Variants in OPCML observed in about 807,000 individuals in gnomAD.
The protein encoded by OPCML is opioid binding protein/cell adhesion molecule like, also known as opioid-binding protein/cell adhesion molecule.
In OPCML, 13 loss-of-function variants were observed where a neutral mutation model predicts 37.8. The ratio of observed to expected loss-of-function variants is 0.34; its 90% CI spans 0.22 to 0.55. The LOEUF is 0.55. OPCML is among the 20% of genes least tolerant of loss of function. The probability of loss-of-function intolerance (pLI) is 0.91; values close to 1 mark genes in which losing one functional copy is unlikely to be tolerated. For missense variants in OPCML, 341 were observed against 435.6 expected (o/e 0.78, Z 1.93); for synonymous variants, 176 against 168.8 (o/e 1.04, Z -0.33).
At chr11:132,748,929 C>T (rs1945739757) in intron 2 of OPCML, among the ~76,000 whole-genome samples, 1 of 152,122 alleles carries the variant, frequency 6.6e-6, no homozygotes, top group African/African-American at 2.4e-5. Context: ...ATTGGTGGGA[C>T]ATGTTGATGT....
At chr11:133,207,554 C>A (rs965629190) in intron 1 of OPCML, among the ~76,000 whole-genome samples, 6 of 152,178 alleles carry the variant, frequency 3.9e-5, no homozygotes, top group Admixed American at 3.3e-4. Flanking sequence ...CACTAAGCCT[C>A]ACTTTTTCCA....
At chr11:133,134,949 A>G (rs977224349) in intron 1 of OPCML, among the ~76,000 whole-genome samples, 1 of 151,916 alleles carries the variant, frequency 6.6e-6, no homozygotes, top group African/African-American at 2.4e-5. Flanking sequence ...CCTCCTCTTC[A>G]TTTCCTGGAT....
intron 3 of OPCML, among the ~76,000 whole-genome samples, chr11:132,534,496 G>C (rs920797833): frequency 6.6e-6 from 1 of 152,196 alleles, no homozygotes; most frequent in Non-Finnish European, 1.5e-5. Context: ...TTGTGAGAGA[G>C]AAGACTTGAG....
chr11:133,078,916 C>T (rs1212021376), intron 1 of OPCML, among the ~76,000 whole-genome samples: 1 of 152,152 alleles, frequency 6.6e-6, no homozygotes, highest in Admixed American at 6.5e-5. Context: ...CACCCACCTA[C>T]TAGGGGTTAT....
intron 4 of OPCML, among the ~76,000 whole-genome samples, chr11:132,464,458 C>A (rs2096113375): frequency 6.6e-6 from 1 of 152,194 alleles, no homozygotes; most frequent in Non-Finnish European, 1.5e-5. Flanking sequence ...AGAGCAAGAA[C>A]TATGCTTAGT....
At chr11:132,791,953 G>GC in intron 2 of OPCML, among the ~76,000 whole-genome samples, 1 of 152,198 alleles carries the variant, frequency 6.6e-6, no homozygotes, top group South Asian at 2.1e-4. Context: ...CATTATGGGC[G>GC]CCCATTTTGT....
intron 3 of OPCML, among the ~76,000 whole-genome samples, chr11:132,639,062 T>TTCCCC: frequency 6.9e-6 from 1 of 145,332 alleles, no homozygotes; most frequent in Non-Finnish European, 1.5e-5. Context: ...GATGATTATT[T>TTCCCC]TCTTCAAAGA....
chr11:133,502,901 C>T (rs1455506093), intron 1 of OPCML, among the ~76,000 whole-genome samples: 1 of 152,184 alleles, frequency 6.6e-6, no homozygotes, highest in Non-Finnish European at 1.5e-5. Context: ...TCCTGGTTTT[C>T]CTGGGACTGA....
intron 1 of OPCML, among the ~76,000 whole-genome samples, chr11:133,346,506 AC>A (rs1944005319): frequency 6.6e-6 from 1 of 152,204 alleles, no homozygotes; most frequent in Non-Finnish European, 1.5e-5. Flanking sequence ...TTTGAAATGT[AC>A]CCTACTGAAT....
intron 1 of OPCML, chr11:133,068,065 C>T (rs1948466763): frequency 6.6e-6 from 1 of 152,154 alleles, no homozygotes; most frequent in Non-Finnish European, 1.5e-5. Context: ...TTTTAGGCCT[C>T]TTCTCAGCAC....
rs867589631 is a variant in OPCML at position 133,461,241 on chromosome 11, A to G, written c.61+71023T>C. Among the ~76,000 whole-genome samples, 22 of 152,090 alleles carry G rather than the reference A, an allele frequency of 1.4e-4. No individual in the cohort carries two copies. The Middle Eastern group carries it at 0.01, about 71-fold the overall frequency. On this transcript the variant is annotated intron_variant, in intron 1 of 7. Transcript: ENST00000524381. Reference sequence around the variant, plus strand: ...TACAAGCCAGAGCAATTAGAGAAGAAAAAGAAATAAGTCACCGAAATTCTA... The same window carrying G: ...TACAAGCCAGAGCAATTAGAGAAGAGAAAGAAATAAGTCACCGAAATTCTA...
chr11:132,902,812 G>C (rs1944108269), intron 2 of OPCML, among the ~76,000 whole-genome samples: 2 of 152,022 alleles, frequency 1.3e-5, no homozygotes, highest in South Asian at 4.2e-4. Flanking sequence ...CAAATAACCA[G>C]GAAAGAATCA....
intron 1 of OPCML, among the ~76,000 whole-genome samples, chr11:133,516,648 G>C (rs900801717): frequency 2.0e-5 from 3 of 152,084 alleles, no homozygotes; most frequent in Non-Finnish European, 2.9e-5. Context: ...GAAAGCTAAG[G>C]CCTCAGTGTC....
chr11:133,037,572 A>G (rs1207705116), intron 1 of OPCML, among the ~76,000 whole-genome samples: 1 of 152,190 alleles, frequency 6.6e-6, no homozygotes, highest in Non-Finnish European at 1.5e-5. Context: ...TCATTTTGCC[A>G]CCTTTTTAGA....
chr11:132,465,855 G>A (rs116982518), intron 4 of OPCML, among the ~76,000 whole-genome samples: 244 of 152,174 alleles, frequency 1.6e-3, no homozygotes, highest in Admixed American at 3.1e-3. Context: ...TTCCAGATGC[G>A]TTTTAAAAAT....
chr11:133,068,588 T>C (rs1052974364), intron 1 of OPCML, among the ~76,000 whole-genome samples: 1 of 152,248 alleles, frequency 6.6e-6, no homozygotes, highest in Non-Finnish European at 1.5e-5. Flanking sequence ...TGTTGCTTCA[T>C]GTAATGTGAA....
chr11:132,414,993 C>T lies in OPCML; in HGVS notation c.*5200G>A, dbSNP rs1163913476. The T allele has an allele frequency of 5.4e-4, 82 of 152,526 alleles. 2 individuals carry two copies. The highest frequency in any genetic ancestry group is 5.4e-3 in the Admixed American group (82 of 15,264). 9.4% of individuals were successfully genotyped at this position (152,526 alleles called of 1,614,324 possible). A position where few individuals can be genotyped will look rare whatever the true frequency, so the allele number is the denominator to read the frequency against. Reference sequence around the variant, plus strand: ...AGCCCCCCAAAAGTTACAAATTTCTCGAACTTTATTGGTACACTGCACAAT... The same window carrying T: ...AGCCCCCCAAAAGTTACAAATTTCTTGAACTTTATTGGTACACTGCACAAT... On this transcript the variant is annotated 3_prime_UTR_variant, in exon 8 of 8. Transcript: ENST00000524381.
At chr11:133,326,536 G>A (rs1366581039) in intron 1 of OPCML, among the ~76,000 whole-genome samples, 1 of 147,124 alleles carries the variant, frequency 6.8e-6, no homozygotes, top group Non-Finnish European at 1.5e-5. Flanking sequence ...AAGTGTGTGG[G>A]GGGAGTGGGT....
At chr11:132,775,970 C>T (rs780535655) in intron 2 of OPCML, among the ~76,000 whole-genome samples, 5 of 152,202 alleles carry the variant, frequency 3.3e-5, no homozygotes, top group Admixed American at 6.5e-5. Context: ...CTTGTTCTGT[C>T]ACCCAGGCTG....
Sources: allele counts gnomAD v4.1 joint callset (sites outside exome capture counted in the v4.1 genomes callset), GRCh38; gene constraint gnomAD v4.1.1; transcripts MANE v1.5; gene names NCBI Gene and HGNC (gene_info 2026-07-23, HGNC 2026-07-21).